Variants in RIMS2 observed in about 807,000 individuals in gnomAD.
The protein encoded by RIMS2 is regulating synaptic membrane exocytosis protein 2.
Under a neutral mutation model 174.4 loss-of-function variants are expected in RIMS2, and 59 were observed. That is an observed-to-expected ratio of 0.34 (90% CI 0.27 to 0.42). The LOEUF (loss-of-function observed/expected upper bound fraction) is 0.42, where lower values mean the gene tolerates loss of function less well. Ranked by LOEUF, RIMS2 falls within the 10% of genes least tolerant of loss-of-function variation. The probability of loss-of-function intolerance (pLI) is 1.00; values close to 1 mark genes in which losing one functional copy is unlikely to be tolerated. For synonymous variants in RIMS2, 606 were observed against 572.5 expected (o/e 1.06, Z -0.84); for missense variants, 1,620 against 1,666.3 (o/e 0.97, Z 0.48).
At chr8:103,941,816 C>T (rs2082610882) in intron 13 of RIMS2, among the ~76,000 whole-genome samples, 1 of 152,124 alleles carries the variant, frequency 6.6e-6, no homozygotes, top group South Asian at 2.1e-4. Flanking sequence ...ATTCAGTTTA[C>T]ACCTCTTTCA....
At chr8:104,197,213 T>C (rs1219305702) in intron 19 of RIMS2, among the ~76,000 whole-genome samples, 1 of 151,484 alleles carries the variant, frequency 6.6e-6, no homozygotes, top group Non-Finnish European at 1.5e-5. Context: ...TTTGCTCTTG[T>C]TGCCCAGGCT....
At chr8:103,993,019 C>G (rs1340170594) in intron 17 of RIMS2, among the ~76,000 whole-genome samples, 1 of 152,162 alleles carries the variant, frequency 6.6e-6, no homozygotes, top group African/African-American at 2.4e-5. Flanking sequence ...GAGGCTGAGG[C>G]AGGAGAATCG....
At chr8:103,802,898 T>A (rs1489424496) in intron 3 of RIMS2, among the ~76,000 whole-genome samples, 1 of 152,178 alleles carries the variant, frequency 6.6e-6, no homozygotes, top group Non-Finnish European at 1.5e-5. Context: ...TGAAGATACA[T>A]TTTCCTATTG....
At chr8:103,684,643 G>A (rs1197104814) in intron 1 of RIMS2, among the ~76,000 whole-genome samples, 3 of 151,336 alleles carry the variant, frequency 2.0e-5, no homozygotes, top group Admixed American at 2.0e-4. Context: ...TTGGAGTGCA[G>A]TGGTGTGATC....
intron 1 of RIMS2, among the ~76,000 whole-genome samples, chr8:103,528,558 T>G (rs930250054): frequency 4.6e-5 from 7 of 152,224 alleles, no homozygotes; most frequent in African/African-American, 1.7e-4. Context: ...CATCTTGAAT[T>G]AATTTTTGTG....
At chr8:103,578,638 T>C (rs1167014409) in intron 1 of RIMS2, among the ~76,000 whole-genome samples, 2 of 152,146 alleles carry the variant, frequency 1.3e-5, no homozygotes, top group African/African-American at 4.8e-5. Context: ...GTGGAAATCA[T>C]ACATTCCAGG....
intron 19 of RIMS2, among the ~76,000 whole-genome samples, chr8:104,092,730 T>C (rs955467212): frequency 6.6e-6 from 1 of 151,922 alleles, no homozygotes; most frequent in Admixed American, 6.6e-5. Context: ...AAGAGGACTC[T>C]TAGCAAATGA....
chr8:103,969,201 T>G (rs1387346353), intron 15 of RIMS2, among the ~76,000 whole-genome samples: 1 of 152,122 alleles, frequency 6.6e-6, no homozygotes, highest in Non-Finnish European at 1.5e-5. Context: ...TTCTCTGAGC[T>G]CCCTAGATCT....
chr8:104,075,872 A>G (rs909550288), intron 19 of RIMS2, among the ~76,000 whole-genome samples: 2 of 152,136 alleles, frequency 1.3e-5, no homozygotes, highest in Non-Finnish European at 2.9e-5. Context: ...CCTCTCCACC[A>G]GCTGAGGATA....
At chr8:104,241,772 G>GTTTT (rs149675643) in intron 19 of RIMS2, among the ~76,000 whole-genome samples, 276 of 151,506 alleles carry the variant, frequency 1.8e-3, no homozygotes, top group African/African-American at 6.2e-3. Context: ...TTGTTTGTTT[G>GTTTT]TTTTTGAGAC....
intron 19 of RIMS2, among the ~76,000 whole-genome samples, chr8:104,191,163 G>T (rs2098995852): frequency 6.6e-6 from 1 of 151,950 alleles, no homozygotes; most frequent in African/African-American, 2.4e-5. Flanking sequence ...GCTGTCAGTT[G>T]AAACATAGTC....
chr8:104,147,207 T>C (rs952661134), intron 19 of RIMS2, among the ~76,000 whole-genome samples: 4 of 152,092 alleles, frequency 2.6e-5, no homozygotes, highest in Non-Finnish European at 5.9e-5. Flanking sequence ...TCTCTTCTTT[T>C]CTCTTCTCTC....
intron 19 of RIMS2, among the ~76,000 whole-genome samples, chr8:104,025,070 C>T (rs2096218453): frequency 6.6e-6 from 1 of 152,116 alleles, no homozygotes; most frequent in Non-Finnish European, 1.5e-5. Context: ...TGGTAGAGTG[C>T]TAGTTGTCTT....
intron 3 of RIMS2, among the ~76,000 whole-genome samples, chr8:103,875,659 TG>T (rs1246881649): frequency 2.0e-5 from 3 of 151,940 alleles, no homozygotes; most frequent in African/African-American, 7.2e-5. Context: ...TGGTAGATCT[TG>T]TTTTAGTTCT....
intron 15 of RIMS2, among the ~76,000 whole-genome samples, chr8:103,965,901 G>A (rs987809657): frequency 6.6e-6 from 1 of 151,986 alleles, no homozygotes; most frequent in African/African-American, 2.4e-5. Context: ...TATTGATTTA[G>A]TCATGTGATT....
At chr8:104,045,246 C>A (rs1468937380) in intron 19 of RIMS2, among the ~76,000 whole-genome samples, 1 of 151,620 alleles carries the variant, frequency 6.6e-6, no homozygotes, top group African/African-American at 2.4e-5. Context: ...AATTGCATTA[C>A]GAGGTCCAAT....
At chr8:103,511,861 T>C (rs1025096776) in intron 1 of RIMS2, among the ~76,000 whole-genome samples, 75 of 152,160 alleles carry the variant, frequency 4.9e-4, no homozygotes, top group African/African-American at 1.7e-3. Context: ...AGAGTACCTA[T>C]GACAGAAACA....
chr8:104,089,956 G>A (rs1017655602), intron 19 of RIMS2, among the ~76,000 whole-genome samples: 1 of 151,594 alleles, frequency 6.6e-6, no homozygotes, highest in Non-Finnish European at 1.5e-5. Context: ...TAGGTGCTAA[G>A]AGACACACAA....
At chr8:103,618,672 T>C (rs2095561062) in intron 1 of RIMS2, among the ~76,000 whole-genome samples, 1 of 152,140 alleles carries the variant, frequency 6.6e-6, no homozygotes, top group African/African-American at 2.4e-5. Flanking sequence ...TGACTACATG[T>C]TTCCTTAGGG....
Sources: gnomAD v4.1 joint callset for allele counts (sites outside exome capture counted in the v4.1 genomes callset) on GRCh38, gnomAD v4.1.1 for gene constraint, MANE v1.5 for transcripts, NCBI Gene and HGNC (gene_info 2026-07-23, HGNC 2026-07-21) for gene names.